The following PDE6D variants were observed in gnomAD, a reference collection of about 807,000 sequenced individuals.
PDE6D encodes retinal rod rhodopsin-sensitive cGMP 3',5'-cyclic phosphodiesterase subunit delta.
A neutral mutation model predicts 21.9 loss-of-function variants in PDE6D; 10 were observed. The observed-to-expected ratio is 0.46, with a 90% confidence interval of 0.28 to 0.78. The LOEUF (loss-of-function observed/expected upper bound fraction) is 0.78. Ranked by LOEUF, PDE6D falls within the 30% of genes least tolerant of loss-of-function variation. The pLI is 0.12. For synonymous variants in PDE6D, 59 were observed against 63.5 expected (o/e 0.93, Z 0.34); for missense variants, 139 against 184.8 (o/e 0.75, Z 1.44).
chr2:231,768,686 C>T (rs1559332150), intron 1 of PDE6D: 1 of 152,162 alleles, frequency 6.6e-6, no homozygotes, highest in Non-Finnish European at 1.5e-5. Flanking sequence ...CGTGAGCCAC[C>T]GCGCCCGACC....
At chr2:231,742,270 C>T (rs2048755611) in intron 1 of PDE6D, among the ~76,000 whole-genome samples, 1 of 152,090 alleles carries the variant, frequency 6.6e-6, no homozygotes, top group African/African-American at 2.4e-5. Flanking sequence ...TACAGGCATG[C>T]ACCACCATGC....
At chr2:231,742,213 C>T (rs2048755112) in intron 1 of PDE6D, among the ~76,000 whole-genome samples, 1 of 152,040 alleles carries the variant, frequency 6.6e-6, no homozygotes. Context: ...TCTCCACCTC[C>T]TGGGTTCAAG....
chr2:231,757,124 A>C (rs1341691226), intron 1 of PDE6D, among the ~76,000 whole-genome samples: 1 of 151,766 alleles, frequency 6.6e-6, no homozygotes, highest in Non-Finnish European at 1.5e-5. Context: ...ACACCTGGCT[A>C]ATTTTTTATA....
intron 1 of PDE6D, among the ~76,000 whole-genome samples, chr2:231,743,917 C>G (rs939075186): frequency 6.6e-6 from 1 of 152,200 alleles, no homozygotes; most frequent in East Asian, 1.9e-4. Flanking sequence ...CTGTCCCAGG[C>G]AGCTAAGCCC....
chr2:231,746,897 G>A (rs539378376), intron 1 of PDE6D, among the ~76,000 whole-genome samples: 5 of 132,886 alleles, frequency 3.8e-5, no homozygotes, highest in South Asian at 2.3e-4. Flanking sequence ...AAGAGTCTCC[G>A]AAAATTTGGA....
intron 4 of PDE6D, among the ~76,000 whole-genome samples, chr2:231,735,892 G>A (rs1016543040): frequency 1.3e-5 from 2 of 151,926 alleles, no homozygotes; most frequent in African/African-American, 4.8e-5. Flanking sequence ...AACCGGTGTG[G>A]TGGTGTATGC....
chr2:231,781,232 A>G lies in PDE6D; in HGVS notation c.-118T>C. On this transcript the variant is annotated 5_prime_UTR_variant, in exon 1 of 5. Transcript: ENST00000287600. ...TTGGAGACCTCGGGCTAGCAGCCGCAGCGGCCAGACCAGGACCGGCCTCTC... is the reference window on the plus strand; with the variant it reads ...TTGGAGACCTCGGGCTAGCAGCCGCGGCGGCCAGACCAGGACCGGCCTCTC... 2.1e-6 allele frequency: 2 copies of G among 941,826 alleles called. No homozygotes were observed. The highest frequency in any genetic ancestry group is 1.6e-5 in the African/African-American group (1 of 61,180). The allele number at this position is 941,826 out of a possible 1,614,324, so 58.3% of individuals were successfully genotyped here. A position where few individuals can be genotyped will look rare whatever the true frequency, so the allele number is the denominator to read the frequency against.
chr2:231,781,077 C>G lies in PDE6D; in HGVS notation c.38G>C (p.Arg13Thr). The G allele has an allele frequency of 6.2e-7, 1 of 1,613,506 alleles. No individual in the cohort carries two copies. The highest frequency in any genetic ancestry group is 2.2e-5 in the East Asian group (1 of 44,820). The change falls in exon 1 of 5, where the codon AGG (arginine) becomes ACG (threonine). Residue 13 changes from arginine to threonine, a missense_variant. Physicochemically the swap from Arg to Thr is moderately conservative, Grantham distance 71. Transcript: ENST00000287600. ...AKDERAREIL[R>T]GFKLNWMNLR... Reference sequence around the variant, plus strand: ...CCCGGACGGATACAGTTTGAAGCCCCTCAGGATCTCCCTGGCCCGCTCGTC... The same window carrying G: ...CCCGGACGGATACAGTTTGAAGCCCGTCAGGATCTCCCTGGCCCGCTCGTC...
intron 1 of PDE6D, among the ~76,000 whole-genome samples, chr2:231,765,604 G>C (rs151297332): frequency 6.6e-5 from 10 of 152,250 alleles, no homozygotes; most frequent in African/African-American, 2.4e-4. Context: ...TGGCAGACCA[G>C]AGCACTATGA....
intron 1 of PDE6D, among the ~76,000 whole-genome samples, chr2:231,744,204 G>A (rs1420311397): frequency 6.6e-6 from 1 of 152,190 alleles, no homozygotes; most frequent in Non-Finnish European, 1.5e-5. Context: ...ACTGTGACTG[G>A]CAGAGGTCAG....
At chr2:231,751,632 G>T (rs1013374570) in intron 1 of PDE6D, among the ~76,000 whole-genome samples, 14 of 152,170 alleles carry the variant, frequency 9.2e-5, no homozygotes, top group Admixed American at 9.2e-4. Flanking sequence ...TGACAGTTTT[G>T]AGGAGAACTG....
Position 231,739,055 on chromosome 2 carries a change from C to G in PDE6D, c.139+45G>C. On this transcript the variant is annotated intron_variant, in intron 2 of 4. Transcript: ENST00000287600. This position sits in a 1 kb window ranked among gnomAD's most constrained non-coding sequence, Gnocchi z 4.2. Reference sequence around the variant, plus strand: ...AGCTCTCTTATGCTCAGGTGCTAGTCTGGCATTGGTCACAGCCCTGTGTAG... The same window carrying G: ...AGCTCTCTTATGCTCAGGTGCTAGTGTGGCATTGGTCACAGCCCTGTGTAG... The G allele has an allele frequency of 8.0e-7, 1 of 1,247,026 alleles. No homozygotes were observed. Among genetic ancestry groups the G allele is most frequent in the Non-Finnish European group, 1.2e-6 (1 of 848,646 alleles). The allele number at this position is 1,247,026 out of a possible 1,614,324, so 77.2% of individuals were successfully genotyped here.
At chr2:231,744,756 A>C (rs1490073505) in intron 1 of PDE6D, among the ~76,000 whole-genome samples, 1 of 152,154 alleles carries the variant, frequency 6.6e-6, no homozygotes, top group East Asian at 1.9e-4. Flanking sequence ...CTTTTTGGGA[A>C]TCACATAAAA....
At chr2:231,780,776 C>A (rs2049109952) in intron 1 of PDE6D, among the ~76,000 whole-genome samples, 1 of 152,156 alleles carries the variant, frequency 6.6e-6, no homozygotes, top group Non-Finnish European at 1.5e-5. Flanking sequence ...TCTCCGACAG[C>A]GTTTCCGACG....
chr2:231,758,177 C>G (rs887619124), intron 1 of PDE6D, among the ~76,000 whole-genome samples: 5 of 152,130 alleles, frequency 3.3e-5, no homozygotes, highest in African/African-American at 1.2e-4. Context: ...GATAGACAGA[C>G]AGATAGGTAG....
At chr2:231,738,185 C>T in intron 2 of PDE6D, 47 bp from the exon 3 acceptor site, 1 of 1,577,254 alleles carries the variant, frequency 6.3e-7, no homozygotes, top group Non-Finnish European at 8.6e-7. Context: ...ATGAAAACCA[C>T]AGGACTATGA....
intron 1 of PDE6D, among the ~76,000 whole-genome samples, chr2:231,744,835 TA>T (rs1432190792): frequency 6.6e-6 from 1 of 152,244 alleles, no homozygotes; most frequent in African/African-American, 2.4e-5. Flanking sequence ...GCATGTGCCC[TA>T]ATCTGGAAAA....
chr2:231,775,999 G>A (rs1301178764), intron 1 of PDE6D, among the ~76,000 whole-genome samples: 1 of 152,090 alleles, frequency 6.6e-6, no homozygotes, highest in African/African-American at 2.4e-5. Flanking sequence ...TATTCAAATA[G>A]GCAAAACAGT....
At chr2:231,746,746 G>A (rs2048796779) in intron 1 of PDE6D, among the ~76,000 whole-genome samples, 1 of 152,096 alleles carries the variant, frequency 6.6e-6, no homozygotes, top group South Asian at 2.1e-4. Context: ...AAAGCAGAAA[G>A]AGAAAAGAAA....
Sources: gnomAD v4.1 joint callset for allele counts (sites outside exome capture counted in the v4.1 genomes callset) on GRCh38, gnomAD v4.1.1 for gene constraint, Gnocchi (gnomAD v3.1) non-coding constraint, MANE v1.5 for transcripts, NCBI Gene and HGNC (gene_info 2026-07-23, HGNC 2026-07-21) for gene names.